CDK6: variants seen among roughly 807,000 people sequenced by gnomAD.
CDK6 encodes the protein cyclin dependent kinase 6, also known as cyclin-dependent kinase 6.
In CDK6, 6 loss-of-function variants were observed where a neutral mutation model predicts 37.1. The ratio of observed to expected loss-of-function variants is 0.16; its 90% CI spans 0.09 to 0.32. The LOEUF is 0.32. CDK6 is among the 10% of genes least tolerant of loss of function. The pLI, the probability that CDK6 is intolerant of heterozygous loss-of-function variation, is 1.00. For synonymous variants in CDK6, 160 were observed against 161.3 expected, an observed-to-expected ratio of 0.99 and a Z score of 0.06; for missense variants, 224 against 418.9, an observed-to-expected ratio of 0.53 and a Z score of 4.06.
Position 92,834,644 on chromosome 7 carries a change from C to A in CDK6, c.-367-954G>T, listed in dbSNP as rs929227008. On this transcript the variant is annotated intron_variant, in intron 1 of 7. Coordinates refer to ENST00000424848, the MANE Select transcript of CDK6 (RefSeq NM_001145306.2). The surrounding 1 kb of genome is among the most constrained non-coding windows in gnomAD (Gnocchi z 4.6). The stretch of plus-strand genomic sequence containing the variant: ...TCGTCCTTAAGTTTTAAACTGATTT[C>A]GACCTGAGCAAAACTCAACCTCCCT... Among the ~76,000 whole-genome samples the A allele has an allele frequency of 1.4e-5, 2 of 143,926 alleles. No individual in the cohort carries two copies. Among genetic ancestry groups the A allele is most frequent in the African/African-American group, 2.6e-5 (1 of 38,046 alleles). 94.4% of individuals were successfully genotyped at this position (143,926 alleles called of 152,430 possible).
intron 4 of CDK6, among the ~76,000 whole-genome samples, chr7:92,677,986 G>T (rs1356620599): frequency 6.6e-6 from 1 of 152,186 alleles, no homozygotes; most frequent in Non-Finnish European, 1.5e-5. Flanking sequence ...ATGGAAGACT[G>T]CTGAACTTAA....
chr7:92,725,127 G>A lies in CDK6; in HGVS notation c.537+499C>T, dbSNP rs991334454. The A allele has an allele frequency of 8.1e-6, 8 of 985,242 alleles. No homozygotes were observed. In the South Asian group the frequency reaches 1.4e-4, roughly 17 times the overall value. The allele number at this position is 985,242 out of a possible 1,614,324, so 61.0% of individuals were successfully genotyped here. ...TTCACCTGGCATGGCGGTGCTCTAC[G>A]TTCATGCATCATCCAAGTTCACTGT... On this transcript the variant is annotated intron_variant, in intron 4 of 7. Transcript: ENST00000424848.
At chr7:92,767,874 C>G (rs1030225962) in intron 3 of CDK6, among the ~76,000 whole-genome samples, 6 of 151,924 alleles carry the variant, frequency 3.9e-5, no homozygotes, top group African/African-American at 1.5e-4. Flanking sequence ...AGGTCACATT[C>G]CTGGTAAAAG....
At chr7:92,672,142 T>TAC (rs1797086147) in intron 4 of CDK6, among the ~76,000 whole-genome samples, 2 of 110,822 alleles carry the variant, frequency 1.8e-5, no homozygotes, top group Non-Finnish European at 3.5e-5. Flanking sequence ...TACATATATA[T>TAC]ATATATATAT....
intron 3 of CDK6, among the ~76,000 whole-genome samples, chr7:92,732,452 G>A (rs1420220524): frequency 6.6e-6 from 1 of 152,128 alleles, no homozygotes; most frequent in African/African-American, 2.4e-5. Flanking sequence ...GGCTGCAATT[G>A]GACAAAATAC....
intron 5 of CDK6, chr7:92,671,222 G>A (rs910096071): frequency 2.7e-6 from 1 of 373,600 alleles, no homozygotes; most frequent in Non-Finnish European, 4.7e-6. Context: ...AGAGTTTCCA[G>A]AAGCTGCAAG....
chr7:92,705,472 C>A (rs963730474), intron 4 of CDK6, among the ~76,000 whole-genome samples: 2 of 152,016 alleles, frequency 1.3e-5, no homozygotes, highest in African/African-American at 4.8e-5. Flanking sequence ...GAGCTTTGAG[C>A]AGCATTAAAA....
intron 3 of CDK6, among the ~76,000 whole-genome samples, chr7:92,761,887 T>C (rs1325654455): frequency 2.0e-5 from 3 of 152,256 alleles, no homozygotes; most frequent in Non-Finnish European, 4.4e-5. Flanking sequence ...ATTTGTGTTT[T>C]ACTTCCTTCC....
At chr7:92,734,410 C>T (rs980525381) in intron 3 of CDK6, among the ~76,000 whole-genome samples, 4 of 152,190 alleles carry the variant, frequency 2.6e-5, no homozygotes, top group African/African-American at 9.7e-5. Flanking sequence ...GCCCCCTCAG[C>T]CAAAGCCCAC....
intron 4 of CDK6, among the ~76,000 whole-genome samples, chr7:92,689,004 C>T (rs190626434): frequency 6.6e-6 from 1 of 152,210 alleles, no homozygotes; most frequent in East Asian, 1.9e-4. Context: ...CCATTTTTTC[C>T]TTGTAGTTTA....
At chr7:92,758,612 T>C (rs1451287230) in intron 3 of CDK6, among the ~76,000 whole-genome samples, 1 of 152,190 alleles carries the variant, frequency 6.6e-6, no homozygotes, top group Non-Finnish European at 1.5e-5. Context: ...CCTTGGCTAT[T>C]CAGGCTCTGT....
At chr7:92,795,778 C>T (rs192914602) in intron 2 of CDK6, among the ~76,000 whole-genome samples, 45 of 152,126 alleles carry the variant, frequency 3.0e-4, no homozygotes, top group Middle Eastern at 6.8e-3. Flanking sequence ...TTAATTTAAC[C>T]AGTTTTTCTT....
chr7:92,688,581 TCA>T (rs35953301), intron 4 of CDK6, among the ~76,000 whole-genome samples: 19,891 of 127,162 alleles, frequency 0.16, 1,335 homozygotes, highest in African/African-American at 0.17. Context: ...TACATATACA[TCA>T]CACACACACA....
chr7:92,827,082 T>TA (rs1801342240), intron 2 of CDK6, among the ~76,000 whole-genome samples: 1 of 152,222 alleles, frequency 6.6e-6, no homozygotes, highest in African/African-American at 2.4e-5. Flanking sequence ...AATCAGTTTA[T>TA]ATCTACAATG....
chr7:92,642,378 T>C (rs952510368), intron 5 of CDK6, among the ~76,000 whole-genome samples: 2 of 152,172 alleles, frequency 1.3e-5, no homozygotes, highest in African/African-American at 4.8e-5. Flanking sequence ...CACTTCACTA[T>C]TGAGTCATTT....
At chr7:92,823,578 AC>A (rs1801234345) in intron 2 of CDK6, among the ~76,000 whole-genome samples, 1 of 151,662 alleles carries the variant, frequency 6.6e-6, no homozygotes, top group African/African-American at 2.4e-5. Context: ...CAATCTCCAA[AC>A]CTGTCTCTTG....
Position 92,806,485 on chromosome 7 carries a change from C to T in CDK6, c.233+26606G>A, listed in dbSNP as rs375036727. 7.2e-5 allele frequency among the ~76,000 whole-genome samples: 11 copies of T among 152,220 alleles called. No homozygotes were observed. In the East Asian group the frequency reaches 1.7e-3, roughly 24 times the overall value. On this transcript the variant is annotated intron_variant, in intron 2 of 7. Transcript: ENST00000424848. The stretch of plus-strand genomic sequence containing the variant: ...TAATAAAGTGCAAAATGGATATGCA[C>T]GTGTCCACATGCAAAGAGGCAGACC...
chr7:92,796,389 G>A (rs1333745807), intron 2 of CDK6, among the ~76,000 whole-genome samples: 1 of 152,022 alleles, frequency 6.6e-6, no homozygotes, highest in Non-Finnish European at 1.5e-5. Context: ...TAACAAACCA[G>A]ATAGTTTAGA....
intron 4 of CDK6, among the ~76,000 whole-genome samples, chr7:92,702,217 A>ATTT (rs1562940434): frequency 1.6e-4 from 8 of 49,820 alleles, no homozygotes; most frequent in Non-Finnish European, 2.1e-4. Context: ...TATCAAGTAT[A>ATTT]TTCTTTTTTT....
Sources: gnomAD v4.1 joint callset for allele counts (sites outside exome capture counted in the v4.1 genomes callset) on GRCh38, gnomAD v4.1.1 for gene constraint, Gnocchi (gnomAD v3.1) non-coding constraint, MANE v1.5 for transcripts, NCBI Gene and HGNC (gene_info 2026-07-23, HGNC 2026-07-21) for gene names.